SCD5: variants seen among roughly 807,000 people sequenced by gnomAD.
The protein encoded by SCD5 is acyl-CoA-desaturase 4.
In SCD5, 20 loss-of-function variants were observed where a neutral mutation model predicts 30.4. That is an observed-to-expected ratio of 0.66 (90% CI 0.46 to 0.96). The LOEUF (loss-of-function observed/expected upper bound fraction) is 0.96, where lower values mean the gene tolerates loss of function less well. Among genes scored for constraint, SCD5 ranks in the 40% least tolerant of loss-of-function variants. SCD5 has a pLI of 0.00. For missense variants in SCD5, 381 were observed against 443.3 expected, an observed-to-expected ratio of 0.86 and a Z score of 1.26; for synonymous variants, 173 against 176.4, an observed-to-expected ratio of 0.98 and a Z score of 0.16.
intron 3 of SCD5, chr4:82,661,122 G>T (rs1727995948): frequency 5.1e-6 from 8 of 1,566,068 alleles, no homozygotes; most frequent in Non-Finnish European, 7.0e-6. Flanking sequence ...ACCCAGGTTT[G>T]TTCAGCAAGG....
intron 1 of SCD5, among the ~76,000 whole-genome samples, chr4:82,747,042 G>A (rs1196069649): frequency 2.8e-5 from 4 of 144,500 alleles, no homozygotes; most frequent in East Asian, 2.0e-4. Flanking sequence ...CGGTTGGGGG[G>A]CAGTTAGAGA....
At chr4:82,666,114 C>CT (rs1240613492) in intron 3 of SCD5, among the ~76,000 whole-genome samples, 3 of 129,336 alleles carry the variant, frequency 2.3e-5, no homozygotes, top group African/African-American at 9.8e-5. Flanking sequence ...GAAATAATAA[C>CT]TAAAAATGAA....
At chr4:82,746,952 G>GT (rs1215477537) in intron 1 of SCD5, among the ~76,000 whole-genome samples, 2 of 23,402 alleles carry the variant, frequency 8.5e-5, no homozygotes, top group Non-Finnish European at 4.3e-4. Context: ...GCAGACACAA[G>GT]GGCGTCAGGG....
intron 2 of SCD5, among the ~76,000 whole-genome samples, chr4:82,684,880 T>A (rs921625305): frequency 6.6e-6 from 1 of 152,218 alleles, no homozygotes; most frequent in African/African-American, 2.4e-5. Flanking sequence ...ATGCCCATCA[T>A]GAACTGACTG....
chr4:82,716,491 CCTGTGGATTCAA>C (rs1328704842), intron 1 of SCD5, among the ~76,000 whole-genome samples: 1 of 151,824 alleles, frequency 6.6e-6, no homozygotes, highest in Non-Finnish European at 1.5e-5. Context: ...TGTGGATTCA[CCTGTGGATTCAA>C]CTGTGGGCTG....
intron 4 of SCD5, among the ~76,000 whole-genome samples, chr4:82,632,355 C>T (rs192095184): frequency 6.9e-4 from 105 of 152,122 alleles, no homozygotes; most frequent in African/African-American, 2.4e-3. Flanking sequence ...TTGCCACAAA[C>T]GACATGAACT....
chr4:82,674,458 G>T (rs1463606070), intron 3 of SCD5, among the ~76,000 whole-genome samples: 2 of 152,134 alleles, frequency 1.3e-5, no homozygotes, highest in African/African-American at 4.8e-5. Context: ...CCAAAATCCA[G>T]AACATAGACA....
At chr4:82,769,860 A>T (rs1721579843) in intron 1 of SCD5, among the ~76,000 whole-genome samples, 1 of 152,142 alleles carries the variant, frequency 6.6e-6, no homozygotes, top group Admixed American at 6.5e-5. Context: ...CTTTTCGGGT[A>T]TAAGAGAGTT....
intron 3 of SCD5, among the ~76,000 whole-genome samples, chr4:82,645,934 G>T (rs1438722394): frequency 2.6e-5 from 4 of 152,174 alleles, no homozygotes; most frequent in African/African-American, 9.7e-5. Flanking sequence ...TTCTCTGTCT[G>T]CAAGCGTTTT....
At chr4:82,760,201 T>C (rs1017786262) in intron 1 of SCD5, among the ~76,000 whole-genome samples, 11 of 152,290 alleles carry the variant, frequency 7.2e-5, no homozygotes, top group East Asian at 5.8e-4. Flanking sequence ...CCTAAAGGAT[T>C]GTCTAAACTC....
intron 1 of SCD5, among the ~76,000 whole-genome samples, chr4:82,711,609 G>C (rs2148829256): frequency 6.6e-6 from 1 of 152,186 alleles, no homozygotes; most frequent in African/African-American, 2.4e-5. Context: ...GTGGGGCTTA[G>C]GTAGGAAGAT....
chr4:82,709,858 C>T (rs146689798), intron 1 of SCD5, among the ~76,000 whole-genome samples: 4 of 152,304 alleles, frequency 2.6e-5, no homozygotes, highest in East Asian at 3.9e-4. Context: ...TAACAGAAAG[C>T]GAGAAGGGAG....
chr4:82,721,173 A>AAAAAAAAC (rs1720362628), intron 1 of SCD5, among the ~76,000 whole-genome samples: 1 of 152,032 alleles, frequency 6.6e-6, no homozygotes, highest in African/African-American at 2.4e-5. Flanking sequence ...AACAAAAACA[A>AAAAAAAAC]AAACAAACAA....
At chr4:82,686,136 G>A (rs1162284537) in intron 2 of SCD5, among the ~76,000 whole-genome samples, 1 of 151,998 alleles carries the variant, frequency 6.6e-6, no homozygotes, top group Non-Finnish European at 1.5e-5. Context: ...CTCCCCAGTA[G>A]CTGGGACCAC....
At chr4:82,747,074 C>CCCCCCCCCCCT (rs796695522) in intron 1 of SCD5, among the ~76,000 whole-genome samples, 1 of 149,062 alleles carries the variant, frequency 6.7e-6, no homozygotes, top group African/African-American at 2.4e-5. Context: ...AACCTGCCCC[C>CCCCCCCCCCCT]CAAGAAAGAC....
intron 1 of SCD5, among the ~76,000 whole-genome samples, chr4:82,788,023 C>A (rs147215526): frequency 6.6e-6 from 1 of 152,240 alleles, no homozygotes; most frequent in Non-Finnish European, 1.5e-5. Context: ...GGAGACAGAA[C>A]AAGACCCTGT....
At chr4:82,690,921 C>T (rs1403048365) in intron 2 of SCD5, among the ~76,000 whole-genome samples, 1 of 152,118 alleles carries the variant, frequency 6.6e-6, no homozygotes, top group Non-Finnish European at 1.5e-5. Context: ...TCAACATAAG[C>T]GAAATAATTT....
rs544706180 is a variant in SCD5, at chr4:82,715,737, C to T, written c.233-10324G>A. 6.5e-4 allele frequency among the ~76,000 whole-genome samples: 98 copies of T among 151,732 alleles called. 3 individuals carry two copies. The highest frequency in any genetic ancestry group is 2.2e-3 in the African/African-American group (90 of 41,084). On this transcript the variant is annotated intron_variant, in intron 1 of 4. Coordinates refer to ENST00000319540, the MANE Select transcript of SCD5 (RefSeq NM_001037582.3). ...AGAGATGCATTGATAAGAGGAAAAA[C>T]TTGATGACCAGAAAGTTAAGAACTC...
At chr4:82,731,344 T>C (rs890264058) in intron 1 of SCD5, among the ~76,000 whole-genome samples, 1 of 152,212 alleles carries the variant, frequency 6.6e-6, no homozygotes, top group Admixed American at 6.5e-5. Flanking sequence ...ATCGGGCCTG[T>C]GAACACAGAG....
Sources: gnomAD v4.1 joint callset for allele counts (sites outside exome capture counted in the v4.1 genomes callset) on GRCh38, gnomAD v4.1.1 for gene constraint, MANE v1.5 for transcripts, NCBI Gene and HGNC (gene_info 2026-07-23, HGNC 2026-07-21) for gene names.